The following ASCC3 variants were observed in gnomAD, a reference collection of about 807,000 sequenced individuals.
ASCC3 encodes the protein ASC-1 complex subunit P200.
Under a neutral mutation model 256.3 loss-of-function variants are expected in ASCC3, and 158 were observed. The ratio of observed to expected loss-of-function variants is 0.62; its 90% confidence interval spans 0.54 to 0.70. ASCC3 has a LOEUF of 0.70. Ranked by LOEUF, ASCC3 falls within the 30% of genes least tolerant of loss-of-function variation. ASCC3 has a pLI of 0.00. For synonymous variants in ASCC3, 948 were observed against 883.4 expected (o/e 1.07, Z -1.30); for missense variants, 2,259 against 2,626.0 (o/e 0.86, Z 3.05).
chr6:100,517,901 C>T, intron 38 of ASCC3, 90 bp downstream of exon 38: 1 of 1,380,220 alleles, frequency 7.2e-7, no homozygotes, highest in Non-Finnish European at 1.0e-6. Context: ...TCAGTATTCT[C>T]CATAACATAA....
intron 34 of ASCC3, among the ~76,000 whole-genome samples, chr6:100,594,168 G>T (rs1562148410): frequency 1.3e-5 from 2 of 151,946 alleles, no homozygotes; most frequent in Admixed American, 6.6e-5. Context: ...GGAATATGAG[G>T]TTGTATTTCT....
At chr6:100,530,814 G>C in intron 37 of ASCC3, 1 of 1,192,848 alleles carries the variant, frequency 8.4e-7, no homozygotes. Context: ...AATGGCCATT[G>C]CCTACTGGAA....
At chr6:100,611,241 A>C (rs1773379375) in intron 30 of ASCC3, among the ~76,000 whole-genome samples, 1 of 152,192 alleles carries the variant, frequency 6.6e-6, no homozygotes, top group Non-Finnish European at 1.5e-5. Context: ...ACAATCGCAC[A>C]CACAAAAAAC....
intron 8 of ASCC3, among the ~76,000 whole-genome samples, chr6:100,769,476 A>G (rs1781819571): frequency 6.6e-6 from 1 of 151,940 alleles, no homozygotes; most frequent in Admixed American, 6.6e-5. Context: ...ACATCATACC[A>G]TTATTTATTA....
intron 30 of ASCC3, among the ~76,000 whole-genome samples, chr6:100,620,523 T>C (rs887796910): frequency 6.6e-6 from 1 of 152,204 alleles, no homozygotes; most frequent in African/African-American, 2.4e-5. Context: ...TCATATTCTC[T>C]CTCTAGCCTC....
chr6:100,863,974 T>C (rs1773352077), intron 3 of ASCC3, 90 bp downstream of exon 3: 4 of 1,202,244 alleles, frequency 3.3e-6, no homozygotes, highest in Middle Eastern at 5.8e-4. Flanking sequence ...ATTTTAGCTT[T>C]CCTTTACATA....
intron 13 of ASCC3, among the ~76,000 whole-genome samples, chr6:100,698,549 A>G (rs544696132): frequency 1.3e-5 from 2 of 152,286 alleles, no homozygotes; most frequent in East Asian, 1.9e-4. Context: ...GACAAAAATG[A>G]TAAGTCTGTA....
At chr6:100,592,501 C>T (rs936612938) in intron 34 of ASCC3, among the ~76,000 whole-genome samples, 3 of 151,922 alleles carry the variant, frequency 2.0e-5, no homozygotes, top group African/African-American at 7.2e-5. Context: ...ATTAGATATA[C>T]AATTTGTGAG....
chr6:100,709,237 G>A (rs1387937774), intron 13 of ASCC3, among the ~76,000 whole-genome samples: 2 of 152,094 alleles, frequency 1.3e-5, no homozygotes, highest in Non-Finnish European at 2.9e-5. Flanking sequence ...TTTATTTAAA[G>A]TAAATATTTA....
rs11358403 is a variant in ASCC3 at position 100,870,363 on chromosome 6, C to CA, written c.-41-2326dup. 7.6e-4 allele frequency among the ~76,000 whole-genome samples: 107 copies of CA among 141,128 alleles called. 1 individual carries two copies. The highest frequency in any genetic ancestry group is 7.2e-3 in the Middle Eastern group (2 of 276). 92.6% of individuals were successfully genotyped at this position (141,128 alleles called of 152,430 possible). A position where few individuals can be genotyped will look rare whatever the true frequency, so the allele number is the denominator to read the frequency against. ...AGGGTGACAGAGTGAGAGTCCGTCT[C>CA]AAAAAAAAAAAAAAATTAGGTTTGG... is the stretch of plus-strand genomic sequence containing the variant. On this transcript the variant is annotated intron_variant, in intron 1 of 41. Transcript: ENST00000369162.
intron 6 of ASCC3, 102 bp from the exon 7 acceptor site, chr6:100,799,674 A>G: frequency 8.0e-7 from 1 of 1,246,366 alleles, no homozygotes; most frequent in Admixed American, 2.3e-5. Context: ...CTAGCCTTCC[A>G]CCATAAAAAA....
At chr6:100,862,468 A>G (rs1773271191) in intron 3 of ASCC3, among the ~76,000 whole-genome samples, 2 of 152,184 alleles carry the variant, frequency 1.3e-5, no homozygotes, top group Non-Finnish European at 2.9e-5. Flanking sequence ...AGATTTGATG[A>G]TCATAAAAAG....
intron 30 of ASCC3, among the ~76,000 whole-genome samples, chr6:100,624,780 T>G (rs1179847110): frequency 2.6e-5 from 4 of 151,958 alleles, no homozygotes; most frequent in Admixed American, 6.6e-5. Context: ...AATTTAAAAT[T>G]TTACTGGTGG....
chr6:100,542,975 AC>A (rs1033874210), intron 36 of ASCC3, among the ~76,000 whole-genome samples: 1 of 152,162 alleles, frequency 6.6e-6, no homozygotes, highest in African/African-American at 2.4e-5. Context: ...GATTGTTTAA[AC>A]AAAAATAATA....
intron 10 of ASCC3, among the ~76,000 whole-genome samples, chr6:100,731,169 C>A (rs1009474589): frequency 1.3e-5 from 2 of 151,922 alleles, no homozygotes; most frequent in Non-Finnish European, 2.9e-5. Context: ...AGGAACAGAG[C>A]AGGAAATGCT....
intron 39 of ASCC3, among the ~76,000 whole-genome samples, chr6:100,514,831 C>T (rs960248648): frequency 2.0e-5 from 3 of 152,172 alleles, no homozygotes; most frequent in African/African-American, 7.2e-5. Context: ...GCAAATCTCA[C>T]AGTCATACTG....
chr6:100,566,006 A>G lies in ASCC3; in HGVS notation c.5550+23628T>C, dbSNP rs946731690. The stretch of plus-strand genomic sequence containing the variant: ...CTGCTCTTCTGATGGTCAAGGAGAG[A>G]CTAAGTGTTCTGAATCCCTAAAAAT... On this transcript the variant is annotated intron_variant, in intron 36 of 41. Coordinates refer to ENST00000369162, the MANE Select transcript of ASCC3 (RefSeq NM_006828.4). Among the ~76,000 whole-genome samples, 15 of 152,098 alleles carry G rather than the reference A, an allele frequency of 9.9e-5. No homozygotes were observed. The East Asian group carries it at 2.9e-3, about 29-fold the overall frequency.
intron 37 of ASCC3, among the ~76,000 whole-genome samples, chr6:100,532,396 A>G (rs1774944480): frequency 2.3e-5 from 1 of 42,754 alleles, no homozygotes; most frequent in African/African-American, 9.2e-5. Context: ...ATATATATAT[A>G]TATATATATA....
intron 3 of ASCC3, among the ~76,000 whole-genome samples, chr6:100,851,528 A>C (rs1772667831): frequency 6.6e-6 from 1 of 152,242 alleles, no homozygotes; most frequent in Admixed American, 6.5e-5. Context: ...AGACTCACAG[A>C]AACATCAACA....
Sources: allele counts gnomAD v4.1 joint callset (sites outside exome capture counted in the v4.1 genomes callset), GRCh38; gene constraint gnomAD v4.1.1; transcripts MANE v1.5; gene names NCBI Gene and HGNC (gene_info 2026-07-23, HGNC 2026-07-21).